Variants in WFDC3 observed in about 807,000 individuals in gnomAD.
The protein encoded by WFDC3 is WAP four-disulfide core domain 3.
A neutral mutation model predicts 25.8 loss-of-function variants in WFDC3; 15 were observed. That is an observed-to-expected ratio of 0.58 (90% CI 0.39 to 0.89). The LOEUF (loss-of-function observed/expected upper bound fraction) is 0.89, where lower values mean the gene tolerates loss of function less well. WFDC3 is among the 40% of genes least tolerant of loss of function. The pLI is 0.00. For missense variants in WFDC3, 264 were observed against 289.8 expected (o/e 0.91, Z 0.65); for synonymous variants, 103 against 107.1 (o/e 0.96, Z 0.24).
intron 2 of WFDC3, 125 bp from the exon 3 acceptor site, chr20:45,789,184 A>T: frequency 7.8e-7 from 1 of 1,279,504 alleles, no homozygotes; most frequent in South Asian, 1.5e-5. Flanking sequence ...AGCCTGGGTG[A>T]CAGAATGAGA....
At chr20:45,779,937 A>T (rs1247904854) in intron 4 of WFDC3, 1 of 151,882 alleles carries the variant, frequency 6.6e-6, no homozygotes, top group Admixed American at 6.6e-5. Flanking sequence ...CCAGTCTGAC[A>T]CCCTGCCTTA....
intron 4 of WFDC3, among the ~76,000 whole-genome samples, chr20:45,784,083 C>T (rs2145687032): frequency 6.6e-6 from 1 of 152,318 alleles, no homozygotes; most frequent in Non-Finnish European, 1.5e-5. Flanking sequence ...TGCCTGGGTG[C>T]CAGCCTCGCC....
chr20:45,774,277 C>T lies in WFDC3; in HGVS notation c.*151G>A. ...CCCACTACCCAATCCAGGGCTATTT[C>T]CCATGCTCTGGTCAGCGGCAGGAGG... On this transcript the variant is annotated 3_prime_UTR_variant, in exon 7 of 7. Transcript: ENST00000243938. 1 of 1,055,988 alleles carries T rather than the reference C, an allele frequency of 9.5e-7. No individual in the cohort carries two copies. 65.4% of individuals were successfully genotyped at this position (1,055,988 alleles called of 1,614,324 possible).
intron 4 of WFDC3, among the ~76,000 whole-genome samples, chr20:45,780,810 T>C (rs1217915161): frequency 6.6e-6 from 1 of 152,190 alleles, no homozygotes; most frequent in Non-Finnish European, 1.5e-5. Context: ...AGAAGGGCCC[T>C]CTGAGCTAAC....
intron 4 of WFDC3, among the ~76,000 whole-genome samples, chr20:45,784,466 G>T (rs6073913): frequency 0.44 from 67,301 of 151,912 alleles, 18,034 homozygotes; most frequent in Non-Finnish European, 0.6. Context: ...CTCCTGCTGG[G>T]CATGGTGGCT....
chr20:45,779,589 C>CA (rs1980347533), intron 4 of WFDC3, among the ~76,000 whole-genome samples: 1 of 152,166 alleles, frequency 6.6e-6, no homozygotes, highest in African/African-American at 2.4e-5. Context: ...ACCTGCTTGA[C>CA]AAACACTGAA....
intron 4 of WFDC3, among the ~76,000 whole-genome samples, chr20:45,786,017 C>T (rs910736055): frequency 3.9e-5 from 6 of 152,192 alleles, no homozygotes; most frequent in Non-Finnish European, 4.4e-5. Context: ...GAATGTCCAT[C>T]GCACCCTTCA....
chr20:45,791,297 CT>C (rs74176818), intron 1 of WFDC3, among the ~76,000 whole-genome samples: 36,748 of 78,968 alleles, frequency 0.47, 5,906 homozygotes, highest in East Asian at 0.52. Context: ...GCCTAATGTG[CT>C]TTTTTTTTTT....
chr20:45,791,404 C>A (rs1327706821), intron 1 of WFDC3, among the ~76,000 whole-genome samples: 1 of 150,400 alleles, frequency 6.6e-6, no homozygotes, highest in Non-Finnish European at 1.5e-5. Flanking sequence ...TCAAGAGACT[C>A]TCCTGCCTCA....
At chr20:45,789,205 TAAA>T (rs11478994) in intron 2 of WFDC3, 146 bp from the exon 3 acceptor site, 2,446 of 776,044 alleles carry the variant, frequency 3.2e-3, no homozygotes, top group Middle Eastern at 4.6e-3. Flanking sequence ...CCCTGTCTCT[TAAA>T]AAAAAAAAAA....
intron 4 of WFDC3, among the ~76,000 whole-genome samples, chr20:45,785,733 C>T (rs1036358882): frequency 6.6e-6 from 1 of 151,980 alleles, no homozygotes; most frequent in African/African-American, 2.4e-5. Context: ...AGAAGACATG[C>T]CATCAATTTC....
intron 4 of WFDC3, among the ~76,000 whole-genome samples, chr20:45,786,205 CAT>C (rs1980661096): frequency 6.6e-6 from 1 of 152,160 alleles, no homozygotes; most frequent in Non-Finnish European, 1.5e-5. Context: ...ACCCAGCCAA[CAT>C]GGTGAGACCC....
intron 4 of WFDC3, 46 bp downstream of exon 4, chr20:45,787,790 C>A: frequency 6.4e-7 from 1 of 1,552,396 alleles, no homozygotes; most frequent in Admixed American, 2.0e-5. Context: ...GAGAAATAAA[C>A]AAGCAGACCA....
In WFDC3 at chr20:45,774,272, T is replaced by G. The variant is rs535376013; in HGVS notation, c.*156A>C. On this transcript the variant is annotated 3_prime_UTR_variant, in exon 7 of 7. Coordinates refer to ENST00000243938, the MANE Select transcript of WFDC3 (RefSeq NM_080614.2). ...ACACACCCACTACCCAATCCAGGGC[T>G]ATTTCCCATGCTCTGGTCAGCGGCA... 1.6e-4 allele frequency: 154 copies of G among 989,140 alleles called. 1 individual carries two copies. Among genetic ancestry groups the G allele is most frequent in the Admixed American group, 5.3e-4 (28 of 52,600 alleles). 61.3% of individuals were successfully genotyped at this position (989,140 alleles called of 1,614,324 possible). A position where few individuals can be genotyped will look rare whatever the true frequency, so the allele number is the denominator to read the frequency against.
At chr20:45,785,488 A>AGTACC (rs1980630217) in intron 4 of WFDC3, among the ~76,000 whole-genome samples, 1 of 151,506 alleles carries the variant, frequency 6.6e-6, no homozygotes, top group African/African-American at 2.4e-5. Context: ...AGAACATTTC[A>AGTACC]GTACCATAAA....
intron 5 of WFDC3, among the ~76,000 whole-genome samples, chr20:45,775,814 C>A (rs1227470030): frequency 6.6e-6 from 1 of 151,888 alleles, no homozygotes; most frequent in Non-Finnish European, 1.5e-5. Flanking sequence ...CAAATGGTGC[C>A]CCAAAGGGAG....
intron 4 of WFDC3, among the ~76,000 whole-genome samples, chr20:45,784,523 C>T (rs1980585719): frequency 6.6e-6 from 1 of 152,236 alleles, no homozygotes; most frequent in Admixed American, 6.5e-5. Flanking sequence ...CGGTGGATCA[C>T]CTGAAGTCAG....
At chr20:45,790,157 G>C in intron 1 of WFDC3, 175 bp from the exon 2 acceptor site, 1 of 533,092 alleles carries the variant, frequency 1.9e-6, no homozygotes. Context: ...TTGGCTGCTG[G>C]AGTGTGGGAA....
intron 4 of WFDC3, 53 bp downstream of exon 4, chr20:45,787,783 A>G (rs558653178): frequency 6.4e-7 from 1 of 1,552,522 alleles, no homozygotes; most frequent in African/African-American, 1.4e-5. Flanking sequence ...CATATTTGAG[A>G]AATAAACAAG....
Sources: gnomAD v4.1 joint callset for allele counts (sites outside exome capture counted in the v4.1 genomes callset) on GRCh38, gnomAD v4.1.1 for gene constraint, MANE v1.5 for transcripts, NCBI Gene and HGNC (gene_info 2026-07-23, HGNC 2026-07-21) for gene names.